Variants in IQCM observed in about 807,000 individuals in gnomAD.
IQCM encodes IQ domain-containing protein M.
IQCM carries 45 observed loss-of-function variants against 57.6 expected under a neutral mutation model. The ratio of observed to expected loss-of-function variants is 0.78; its 90% confidence interval spans 0.62 to 1.00. IQCM has a LOEUF of 1.00. Among genes scored for constraint, IQCM ranks in the 50% least tolerant of loss-of-function variants. The pLI is 0.00. For synonymous variants in IQCM, 148 were observed against 158.9 expected, an observed-to-expected ratio of 0.93 and a Z score of 0.51; for missense variants, 468 against 511.6, an observed-to-expected ratio of 0.91 and a Z score of 0.82.
At chr4:149,742,841 T>C (rs1767584177) in intron 2 of IQCM, 102 bp from the exon 3 acceptor site, 1 of 457,670 alleles carries the variant, frequency 2.2e-6, no homozygotes, top group Non-Finnish European at 3.5e-6. Flanking sequence ...ATTAAAACTT[T>C]TTATATGTCA....
intron 13 of IQCM, among the ~76,000 whole-genome samples, chr4:149,357,636 A>G (rs555205341): frequency 1.3e-5 from 2 of 152,222 alleles, no homozygotes; most frequent in Non-Finnish European, 2.9e-5. Context: ...GCGTTGCTGG[A>G]TACGTTTTGC....
chr4:149,455,015 C>A (rs1400615433), intron 12 of IQCM, among the ~76,000 whole-genome samples: 1 of 151,914 alleles, frequency 6.6e-6, no homozygotes, highest in African/African-American at 2.4e-5. Flanking sequence ...TAGGATGGTT[C>A]AACATAAGAT....
At chr4:149,540,486 G>C (rs1444093507) in intron 12 of IQCM, among the ~76,000 whole-genome samples, 3 of 151,774 alleles carry the variant, frequency 2.0e-5, no homozygotes, top group Non-Finnish European at 4.4e-5. Flanking sequence ...ATCAGTGGTT[G>C]GTTGGGGCTG....
chr4:149,413,588 A>G (rs946500678), intron 13 of IQCM, among the ~76,000 whole-genome samples: 5 of 152,218 alleles, frequency 3.3e-5, no homozygotes, highest in African/African-American at 1.2e-4. Context: ...GGAAAAATCA[A>G]TGAAATAGAG....
At chr4:149,494,625 C>A (rs1019602985) in intron 12 of IQCM, among the ~76,000 whole-genome samples, 4 of 152,100 alleles carry the variant, frequency 2.6e-5, no homozygotes, top group Non-Finnish European at 5.9e-5. Context: ...AAGCCTTCAG[C>A]ACTCCATCTG....
intron 7 of IQCM, among the ~76,000 whole-genome samples, chr4:149,641,875 CTGTT>C (rs1450779837): frequency 1.3e-5 from 2 of 152,058 alleles, no homozygotes; most frequent in African/African-American, 4.8e-5. Flanking sequence ...GATCATTAAT[CTGTT>C]TGGGAAATTG....
At position 149,637,105 on chromosome 4, in the gene IQCM, T is replaced by C. The variant is rs1352188054; in HGVS notation, c.566-15861A>G. On this transcript the variant is annotated intron_variant, in intron 7 of 13. Transcript: ENST00000636793. ...TTGCAGTGAGCCGAGATTGCGCCAC[T>C]GCAGTCCGCAGTCCGGCCTGGGCGA... Among the ~76,000 whole-genome samples the C allele has an allele frequency of 1.7e-4, 24 of 137,520 alleles. No homozygotes were observed. The Admixed American group carries it at 1.8e-3, about 11-fold the overall frequency. The allele number at this position is 137,520 out of a possible 152,430, so 90.2% of individuals were successfully genotyped here.
rs1273178757 is a variant in IQCM at position 149,553,236 on chromosome 4, G to C, written c.1000C>G (p.Leu334Val). The C allele has an allele frequency of 1.6e-6, 2 of 1,231,766 alleles. No homozygotes were observed. Among genetic ancestry groups the C allele is most frequent in the South Asian group, 4.1e-5 (1 of 24,324 alleles). 76.3% of individuals were successfully genotyped at this position (1,231,766 alleles called of 1,614,324 possible). A position where few individuals can be genotyped will look rare whatever the true frequency, so the allele number is the denominator to read the frequency against. The change falls in exon 11 of 14, where the codon CTA (leucine) becomes GTA (valine). Residue 334 changes from leucine (L) to valine (V), a missense_variant. Transcript: ENST00000636793. Reference sequence around the variant, plus strand: ...CGTCGATATCTAACACGGTGGATTAGTCTGCCATACATGTTAATAACTGCT... The same window carrying C: ...CGTCGATATCTAACACGGTGGATTACTCTGCCATACATGTTAATAACTGCT... ...MKAVINMYGR[L>V]IHRVRYRRGL... is the part of the protein sequence containing the mutation.
intron 12 of IQCM, among the ~76,000 whole-genome samples, chr4:149,507,273 G>T (rs192389483): frequency 7.9e-5 from 12 of 152,340 alleles, no homozygotes; most frequent in African/African-American, 2.6e-4. Context: ...GGCGCTGCTG[G>T]AAAGATATCT....
intron 7 of IQCM, among the ~76,000 whole-genome samples, chr4:149,626,390 A>AAAATATATATATATATATATAT: frequency 1.5e-5 from 1 of 65,510 alleles, no homozygotes; most frequent in Non-Finnish European, 3.4e-5. Flanking sequence ...ATACTTAATA[A>AAAATATATATATATATATATAT]ACATATATAT....
chr4:149,670,295 C>G (rs1012537816), intron 7 of IQCM, among the ~76,000 whole-genome samples: 1 of 151,954 alleles, frequency 6.6e-6, no homozygotes, highest in Admixed American at 6.6e-5. Flanking sequence ...TACTGGTGTA[C>G]AGGAATGCCT....
intron 12 of IQCM, 23 bp downstream of exon 12, chr4:149,548,432 A>G: frequency 8.1e-7 from 1 of 1,231,288 alleles, no homozygotes; most frequent in East Asian, 3.2e-5. Flanking sequence ...GAAGGGGGGA[A>G]AAAGAAATGA....
intron 12 of IQCM, among the ~76,000 whole-genome samples, chr4:149,530,395 A>G (rs530252887): frequency 7.2e-5 from 11 of 152,270 alleles, no homozygotes; most frequent in African/African-American, 2.6e-4. Context: ...TGCTCAATAA[A>G]TATTTGTTGA....
chr4:149,659,849 T>A (rs1472550717), intron 7 of IQCM, among the ~76,000 whole-genome samples: 1 of 151,550 alleles, frequency 6.6e-6, no homozygotes, highest in East Asian at 1.9e-4. Flanking sequence ...ATTAAAGACT[T>A]AAACGTTAGA....
At chr4:149,718,081 C>T (rs950307004) in intron 5 of IQCM, among the ~76,000 whole-genome samples, 2 of 152,110 alleles carry the variant, frequency 1.3e-5, no homozygotes, top group Non-Finnish European at 2.9e-5. Context: ...AGTAAAAGGC[C>T]CTCCTGCCTA....
intron 12 of IQCM, among the ~76,000 whole-genome samples, chr4:149,433,765 C>T (rs1002403690): frequency 4.0e-5 from 6 of 151,600 alleles, no homozygotes; most frequent in South Asian, 2.1e-4. Context: ...TTACTAATAC[C>T]GTCTTAAACC....
intron 9 of IQCM, among the ~76,000 whole-genome samples, chr4:149,575,759 T>C (rs1046511664): frequency 1.1e-4 from 17 of 151,898 alleles, no homozygotes; most frequent in Non-Finnish European, 1.9e-4. Flanking sequence ...TTACCACCTA[T>C]GTAGATTCCT....
At chr4:149,511,051 C>A (rs1744356421) in intron 12 of IQCM, among the ~76,000 whole-genome samples, 1 of 152,102 alleles carries the variant, frequency 6.6e-6, no homozygotes, top group Non-Finnish European at 1.5e-5. Flanking sequence ...GAATAAAGGC[C>A]AGCCTCCTTA....
At chr4:149,612,749 G>A (rs139527378) in intron 8 of IQCM, among the ~76,000 whole-genome samples, 331 of 151,930 alleles carry the variant, frequency 2.2e-3, no homozygotes, top group African/African-American at 7.3e-3. Context: ...TCATTTTGTC[G>A]AAGAGATTCA....
Sources: allele counts gnomAD v4.1 joint callset (sites outside exome capture counted in the v4.1 genomes callset), GRCh38; gene constraint gnomAD v4.1.1; transcripts MANE v1.5; gene names NCBI Gene and HGNC (gene_info 2026-07-23, HGNC 2026-07-21).